The following SYTL5 variants were observed in gnomAD, a reference collection of about 807,000 sequenced individuals.
The protein encoded by SYTL5 is synaptotagmin-like protein 5.
A neutral mutation model predicts 55.9 loss-of-function variants in SYTL5; 34 were observed. The ratio of observed to expected loss-of-function variants is 0.61; its 90% CI spans 0.46 to 0.81. SYTL5 has a LOEUF of 0.81. Among genes scored for constraint, SYTL5 ranks in the 30% least tolerant of loss-of-function variants. The pLI, the probability that SYTL5 is intolerant of heterozygous loss-of-function variation, is 0.00. For missense variants in SYTL5, 637 were observed against 546.7 expected (o/e 1.17, Z -1.65); for synonymous variants, 221 against 188.7 (o/e 1.17, Z -1.40).
upstream of SYTL5, among the ~76,000 whole-genome samples, chrX:38,004,141 G>A (rs951157431): frequency 1.8e-5 from 2 of 111,490 alleles, no homozygotes; most frequent in African/African-American, 3.3e-5. Context: ...TCTGTAGGTT[G>A]GCTCTTCACT....
the SYTL5 span, among the ~76,000 whole-genome samples, chrX:37,935,438 GT>G: frequency 1.8e-5 from 2 of 112,386 alleles, no homozygotes; most frequent in African/African-American, 6.5e-5. Flanking sequence ...TAACTACATA[GT>G]TAAACATATA....
the SYTL5 span, among the ~76,000 whole-genome samples, chrX:37,895,278 T>G: frequency 1.8e-5 from 2 of 112,537 alleles, no homozygotes; most frequent in Admixed American, 1.9e-4. Context: ...TTGTATGATC[T>G]TTGGTAAATT....
chrX:38,013,714 T>G (rs111844093), intron 1 of SYTL5, among the ~76,000 whole-genome samples: 12 of 111,582 alleles, frequency 1.1e-4, no homozygotes, highest in African/African-American at 3.6e-4. Flanking sequence ...TTCCTGATTC[T>G]CAGGCTCACT....
chrX:38,028,799 C>T (rs181111631), intron 1 of SYTL5, among the ~76,000 whole-genome samples: 311 of 111,596 alleles, frequency 2.8e-3, no homozygotes, highest in African/African-American at 9.5e-3. Context: ...TATAAACCAC[C>T]TTTTAAATAG....
the SYTL5 span, among the ~76,000 whole-genome samples, chrX:37,924,190 G>T: frequency 9.0e-6 from 1 of 111,550 alleles, no homozygotes; most frequent in African/African-American, 3.3e-5. Context: ...TTCTCTGACT[G>T]GCACTTTCCA....
At chrX:37,929,520 G>C in the SYTL5 span, among the ~76,000 whole-genome samples, 2 of 112,040 alleles carry the variant, frequency 1.8e-5, no homozygotes, top group Non-Finnish European at 1.9e-5. Flanking sequence ...GATGGGCAAG[G>C]CTGTATTATG....
At chrX:38,101,327 A>G (rs1051408193) in intron 9 of SYTL5, among the ~76,000 whole-genome samples, 1 of 111,203 alleles carries the variant, frequency 9.0e-6, no homozygotes, top group Non-Finnish European at 1.9e-5. Context: ...TCTATGTTTT[A>G]TGTACTTTTT....
chrX:38,119,772 T>A (rs998159108), intron 13 of SYTL5, among the ~76,000 whole-genome samples: 1 of 112,416 alleles, frequency 8.9e-6, no homozygotes, highest in Admixed American at 9.4e-5. Flanking sequence ...TTTTCCAGAG[T>A]GACTCCACCA....
rs766955599 is a variant in SYTL5, at chrX:38,126,588, G to A, written c.2051G>A (p.Gly684Asp). The A allele has an allele frequency of 1.7e-6, 2 of 1,211,481 alleles. No individual in the cohort carries two copies. The highest frequency in any genetic ancestry group is 3.0e-5 in the East Asian group (1 of 33,847). ...LGGVRLNSGS[G>D]VSHGKNVDWM... ...AAATTTTCCCGTTTCGCCTCTTCAG[G>A]TGTGAGCCATGGGAAGAACGTGGAT... The change falls in exon 17 of 17, where the codon GGT becomes GAT. Residue 684 changes from glycine (G) to aspartate (D), a missense_variant and splice_region_variant. Gly to Asp is a moderately conservative substitution (Grantham distance 94). Transcript: ENST00000297875.
the SYTL5 span, among the ~76,000 whole-genome samples, chrX:37,935,326 A>G: frequency 8.9e-6 from 1 of 112,256 alleles, no homozygotes; most frequent in African/African-American, 3.2e-5. Flanking sequence ...TCACTAGCAG[A>G]CCTGTCCAAC....
intron 6 of SYTL5, among the ~76,000 whole-genome samples, chrX:38,079,866 G>A (rs1936484763): frequency 8.9e-6 from 1 of 112,067 alleles, no homozygotes; most frequent in Non-Finnish European, 1.9e-5. Flanking sequence ...GGCCTCCCTT[G>A]AATAGAGTCT....
chrX:38,060,500 T>G (rs1420944445), intron 3 of SYTL5, among the ~76,000 whole-genome samples: 1 of 111,995 alleles, frequency 8.9e-6, no homozygotes, highest in East Asian at 2.8e-4. Context: ...GTGCCTAAAA[T>G]AATGTCTATA....
At chrX:37,944,332 G>C in the SYTL5 span, among the ~76,000 whole-genome samples, 2 of 110,854 alleles carry the variant, frequency 1.8e-5, no homozygotes, top group African/African-American at 6.6e-5. Flanking sequence ...CATTTTGATT[G>C]AGATTTGACA....
chrX:37,978,414 T>C, the SYTL5 span, among the ~76,000 whole-genome samples: 137 of 111,928 alleles, frequency 1.2e-3, no homozygotes, highest in African/African-American at 4.3e-3. Flanking sequence ...TGAAACGGCT[T>C]AGAGCCACCT....
At chrX:38,043,671 A>ATATATATATATATATATATATATG (rs1569165962) in intron 2 of SYTL5, among the ~76,000 whole-genome samples, 1 of 69,330 alleles carries the variant, frequency 1.4e-5, no homozygotes, top group African/African-American at 8.1e-5. Context: ...GTATATATAT[A>ATATATATATATATATATATATATG]TATATATATA....
chrX:38,033,722 A>G lies in SYTL5; in HGVS notation c.-168A>G. Reference sequence around the variant, plus strand: ...TGGAGGCTGTTCTACGTATAGCCTGAAAGAATACTTAACTACCATACGCAA... The same window carrying G: ...TGGAGGCTGTTCTACGTATAGCCTGGAAGAATACTTAACTACCATACGCAA... On this transcript the variant is annotated 5_prime_UTR_variant, in exon 2 of 17. Transcript: ENST00000297875. 1 of 322,633 alleles carries G rather than the reference A, an allele frequency of 3.1e-6. No individual in the cohort carries two copies. The highest frequency in any genetic ancestry group is 5.5e-6 in the Non-Finnish European group (1 of 182,567). 26.6% of individuals were successfully genotyped at this position (322,633 alleles called of 1,213,427 possible). A position where few individuals can be genotyped will look rare whatever the true frequency, so the allele number is the denominator to read the frequency against.
chrX:37,996,649 T>A, the SYTL5 span, among the ~76,000 whole-genome samples: 1 of 110,802 alleles, frequency 9.0e-6, no homozygotes, highest in African/African-American at 3.3e-5. Flanking sequence ...ACTTGGAGGG[T>A]AAAGGCAACT....
chrX:38,117,337 T>C (rs1372781622), intron 13 of SYTL5, among the ~76,000 whole-genome samples: 1 of 112,006 alleles, frequency 8.9e-6, no homozygotes, highest in Non-Finnish European at 1.9e-5. Flanking sequence ...GTCTACAGTA[T>C]ATTTTAAGCT....
chrX:38,088,373 T>C (rs769682438), intron 6 of SYTL5, among the ~76,000 whole-genome samples: 4 of 112,453 alleles, frequency 3.6e-5, no homozygotes, highest in African/African-American at 1.3e-4. Flanking sequence ...TGTACTATTA[T>C]ATGTGCATTT....
Sources: allele counts gnomAD v4.1 joint callset (sites outside exome capture counted in the v4.1 genomes callset), GRCh38; gene constraint gnomAD v4.1.1; transcripts MANE v1.5; gene names NCBI Gene and HGNC (gene_info 2026-07-23, HGNC 2026-07-21).